Variants in WWOX observed in about 807,000 individuals in gnomAD.
The protein encoded by WWOX is WW domain-containing oxidoreductase.
A neutral mutation model predicts 46.2 loss-of-function variants in WWOX; 69 were observed. The ratio of observed to expected loss-of-function variants is 1.49; its 90% CI spans 1.23 to 1.82. The LOEUF (loss-of-function observed/expected upper bound fraction) is 1.82. Ranked by LOEUF, WWOX falls within the 40% of genes most tolerant of loss-of-function variation. WWOX has a pLI of 0.00. For synonymous variants in WWOX, 359 were observed against 202.6 expected, an observed-to-expected ratio of 1.77 and a Z score of -6.56; for missense variants, 919 against 542.6, an observed-to-expected ratio of 1.69 and a Z score of -6.89.
Position 78,406,306 on chromosome 16 carries a change from AT to A in WWOX, c.606-18563del, listed in dbSNP as rs1382397529. Among the ~76,000 whole-genome samples, 73 of 8,488 alleles carry A rather than the reference AT, an allele frequency of 8.6e-3. 1 individual carries two copies. The highest frequency in any genetic ancestry group is 0.012 in the Non-Finnish European group (61 of 5,268). The allele number at this position is 8,488 out of a possible 152,430, so 5.6% of individuals were successfully genotyped here. On this transcript the variant is annotated intron_variant, in intron 6 of 8. Coordinates refer to ENST00000566780, the MANE Select transcript of WWOX (RefSeq NM_016373.4). The stretch of plus-strand genomic sequence containing the variant: ...TACATTACAGCATATAAATATAAAT[AT>A]ATATATATATATATATATATATATA...
chr16:78,739,547 C>G (rs548362828), intron 8 of WWOX, among the ~76,000 whole-genome samples: 1 of 152,272 alleles, frequency 6.6e-6, no homozygotes, highest in Non-Finnish European at 1.5e-5. Context: ...CATGGTGGCT[C>G]ACGCCTGTAA....
At chr16:78,967,459 G>T (rs200311067) in intron 8 of WWOX, among the ~76,000 whole-genome samples, 11,329 of 98,404 alleles carry the variant, frequency 0.12, 724 homozygotes, top group Middle Eastern at 0.29. Flanking sequence ...AATTTTTGTG[G>T]TTTTTTTTTT....
At chr16:78,871,398 C>G (rs186143867) in intron 8 of WWOX, among the ~76,000 whole-genome samples, 5 of 152,238 alleles carry the variant, frequency 3.3e-5, no homozygotes. Context: ...TGCAAAGCAC[C>G]AGGGTGATAA....
chr16:78,641,879 A>C (rs924995207), intron 8 of WWOX, among the ~76,000 whole-genome samples: 8 of 152,218 alleles, frequency 5.3e-5, no homozygotes, highest in African/African-American at 1.9e-4. Flanking sequence ...AGCCGAAATT[A>C]TTTCTGTGCA....
chr16:79,063,955 A>T (rs929747373), intron 8 of WWOX, among the ~76,000 whole-genome samples: 1 of 152,180 alleles, frequency 6.6e-6, no homozygotes, highest in Non-Finnish European at 1.5e-5. Context: ...ATGTTGCATG[A>T]ATTAGAACCC....
At chr16:79,082,878 TG>T (rs1337022980) in intron 8 of WWOX, among the ~76,000 whole-genome samples, 1 of 152,162 alleles carries the variant, frequency 6.6e-6, no homozygotes, top group Non-Finnish European at 1.5e-5. Context: ...GTGTAATCCG[TG>T]GCAGATGTGC....
chr16:78,622,440 G>T (rs1441538212), intron 8 of WWOX, among the ~76,000 whole-genome samples: 1 of 151,988 alleles, frequency 6.6e-6, no homozygotes, highest in African/African-American at 2.4e-5. Context: ...TACACAGGAG[G>T]CTGAGACTTA....
At chr16:78,452,371 G>A (rs1323617159) in intron 8 of WWOX, among the ~76,000 whole-genome samples, 1 of 151,944 alleles carries the variant, frequency 6.6e-6, no homozygotes, top group Non-Finnish European at 1.5e-5. Context: ...CAGCAGACCA[G>A]ATGGCAGATC....
chr16:78,700,619 G>C (rs779252193), intron 8 of WWOX, among the ~76,000 whole-genome samples: 1 of 152,170 alleles, frequency 6.6e-6, no homozygotes, highest in African/African-American at 2.4e-5. Flanking sequence ...GTTACCTCCT[G>C]TCATAGGACC....
intron 8 of WWOX, among the ~76,000 whole-genome samples, chr16:78,521,767 C>CT (rs1021053027): frequency 5.5e-5 from 8 of 145,562 alleles, no homozygotes; most frequent in African/African-American, 2.1e-4. Context: ...TTAGTCAACA[C>CT]TTTAACACAT....
intron 5 of WWOX, among the ~76,000 whole-genome samples, chr16:78,232,482 T>C (rs1464549292): frequency 6.6e-6 from 1 of 152,202 alleles, no homozygotes; most frequent in Non-Finnish European, 1.5e-5. Context: ...AACCAGGGAC[T>C]GTAGAGGTTT....
chr16:78,977,426 C>G (rs772596063), intron 8 of WWOX, among the ~76,000 whole-genome samples: 1 of 152,114 alleles, frequency 6.6e-6, no homozygotes, highest in African/African-American at 2.4e-5. Context: ...GTCCTCGCCC[C>G]ACAAGCAAAG....
At chr16:78,247,263 A>G (rs8050111) in intron 5 of WWOX, among the ~76,000 whole-genome samples, 11,609 of 152,106 alleles carry the variant, frequency 0.076, 571 homozygotes, top group East Asian at 0.24. Flanking sequence ...GTTTGGAATC[A>G]CCAAGCATGG....
intron 5 of WWOX, among the ~76,000 whole-genome samples, chr16:78,276,103 AG>A (rs1224733145): frequency 2.6e-5 from 4 of 152,210 alleles, no homozygotes; most frequent in African/African-American, 9.6e-5. Context: ...GATGGCAAGA[AG>A]GAGGTTACCA....
At chr16:78,136,703 A>G (rs1421679384) in intron 4 of WWOX, among the ~76,000 whole-genome samples, 1 of 152,220 alleles carries the variant, frequency 6.6e-6, no homozygotes, top group East Asian at 1.9e-4. Context: ...GGTCTATCAA[A>G]TAACACAGTT....
At chr16:78,567,875 C>T (rs1169977074) in intron 8 of WWOX, among the ~76,000 whole-genome samples, 2 of 152,242 alleles carry the variant, frequency 1.3e-5, no homozygotes, top group East Asian at 1.9e-4. Flanking sequence ...CAGCTCGTCC[C>T]GTGTCTAATG....
intron 8 of WWOX, among the ~76,000 whole-genome samples, chr16:79,080,937 G>C (rs975917010): frequency 1.2e-4 from 18 of 152,190 alleles, no homozygotes; most frequent in African/African-American, 4.1e-4. Flanking sequence ...TATTTGGCAA[G>C]TGAATTCTTC....
chr16:78,691,874 G>A (rs182582464), intron 8 of WWOX, among the ~76,000 whole-genome samples: 1 of 152,314 alleles, frequency 6.6e-6, no homozygotes, highest in East Asian at 1.9e-4. Context: ...CATGTTGTGG[G>A]AGGGACCCAG....
chr16:78,909,103 A>T (rs1031697982), intron 8 of WWOX, among the ~76,000 whole-genome samples: 7 of 152,216 alleles, frequency 4.6e-5, no homozygotes, highest in African/African-American at 9.7e-5. Flanking sequence ...AACCAAATCA[A>T]CTTTGAACAA....
Sources: allele counts gnomAD v4.1 joint callset (sites outside exome capture counted in the v4.1 genomes callset), GRCh38; gene constraint gnomAD v4.1.1; transcripts MANE v1.5; gene names NCBI Gene and HGNC (gene_info 2026-07-23, HGNC 2026-07-21).